The following SAAL1 variants were observed in gnomAD, a reference collection of about 807,000 sequenced individuals.
SAAL1 encodes the protein serum amyloid A like 1.
In SAAL1, 42 loss-of-function variants were observed where a neutral mutation model predicts 59.8. The observed-to-expected ratio is 0.70, with a 90% CI of 0.55 to 0.91. The LOEUF (loss-of-function observed/expected upper bound fraction) is 0.91. Among genes scored for constraint, SAAL1 ranks in the 40% least tolerant of loss-of-function variants. The pLI is 0.00. For synonymous variants in SAAL1, 191 were observed against 194.3 expected, an observed-to-expected ratio of 0.98 and a Z score of 0.14; for missense variants, 542 against 561.1, an observed-to-expected ratio of 0.97 and a Z score of 0.34.
In SAAL1 at chr11:18,083,712, G is replaced by T; in HGVS notation, c.1062C>A (p.Asp354Glu). The T allele has an allele frequency of 6.2e-7, 1 of 1,606,728 alleles. No individual in the cohort carries two copies. The highest frequency in any genetic ancestry group is 1.1e-5 in the South Asian group (1 of 89,328). ...TATTTTGTAAGACCCGAATGAGGCT[G>T]TCAATTAGAGGAAGATCTACTGTAT... ...KIEKVDLPLI[D>E]SLIRVLQNME... Residue 354 changes from aspartate to glutamate, a missense_variant, in exon 10 of 12, where the codon GAC (aspartate) becomes GAA (glutamate). Coordinates refer to ENST00000524803, the MANE Select transcript of SAAL1 (RefSeq NM_138421.3).
Position 18,090,680 on chromosome 11 carries a change from G to C in SAAL1, c.414-187C>G, listed in dbSNP as rs545277817. The C allele has an allele frequency of 7.0e-6, 4 of 573,104 alleles. No homozygotes were observed. The South Asian group carries it at 1.2e-4, about 17-fold the overall frequency. The allele number at this position is 573,104 out of a possible 1,614,324, so 35.5% of individuals were successfully genotyped here. A position where few individuals can be genotyped will look rare whatever the true frequency, so the allele number is the denominator to read the frequency against. On this transcript the variant is annotated intron_variant, in intron 4 of 11. Transcript: ENST00000524803. ...ACTCGTGTTTCCAAGAAACAGAACAGAGCTGCATCTTTGTAGTCACCATGT... is the reference window on the plus strand; with the variant it reads ...ACTCGTGTTTCCAAGAAACAGAACACAGCTGCATCTTTGTAGTCACCATGT...
rs763703099 is a variant in SAAL1 at position 18,087,259 on chromosome 11, A to G, written c.771-34T>C. ...GAAAAGTAAAAGCACTGAATCAACA[A>G]CTTTACTGTCCAGGGGATTCCAATC... is the stretch of plus-strand genomic sequence containing the variant. On this transcript the variant is annotated intron_variant, in intron 7 of 11. Coordinates refer to ENST00000524803, the MANE Select transcript of SAAL1 (RefSeq NM_138421.3). The G allele has an allele frequency of 3.7e-6, 5 of 1,335,662 alleles. No individual in the cohort carries two copies. The Admixed American group carries it at 8.5e-5, about 23-fold the overall frequency. 82.7% of individuals were successfully genotyped at this position (1,335,662 alleles called of 1,614,324 possible). A position where few individuals can be genotyped will look rare whatever the true frequency, so the allele number is the denominator to read the frequency against.
chr11:18,091,392 C>T (rs575867277), intron 4 of SAAL1, among the ~76,000 whole-genome samples: 1 of 152,158 alleles, frequency 6.6e-6, no homozygotes, highest in African/African-American at 2.4e-5. Flanking sequence ...CATTAGAGAC[C>T]AAACATAATC....
At chr11:18,098,104 G>A (rs1165612179) in intron 2 of SAAL1, among the ~76,000 whole-genome samples, 3 of 152,110 alleles carry the variant, frequency 2.0e-5, no homozygotes, top group African/African-American at 4.8e-5. Flanking sequence ...CTGAGATCTC[G>A]CCACTGCACT....
At chr11:18,083,294 T>C (rs1400452512) in intron 10 of SAAL1, 2 of 288,142 alleles carry the variant, frequency 6.9e-6, no homozygotes, top group Non-Finnish European at 1.3e-5. Context: ...GGTTAAAGTA[T>C]ATGAAAAATG....
At chr11:18,099,483 C>A (rs1257087805) in intron 2 of SAAL1, among the ~76,000 whole-genome samples, 1 of 152,134 alleles carries the variant, frequency 6.6e-6, no homozygotes, top group Non-Finnish European at 1.5e-5. Context: ...CTAAACTACA[C>A]AATTTCTAAA....
intron 3 of SAAL1, 50 bp from the exon 4 acceptor site, chr11:18,092,374 A>G: frequency 8.6e-7 from 1 of 1,164,668 alleles, no homozygotes; most frequent in Non-Finnish European, 1.3e-6. Flanking sequence ...CGAAAGACGT[A>G]AACAAAAATA....
At chr11:18,087,623 G>C (rs1198556739) in intron 7 of SAAL1, among the ~76,000 whole-genome samples, 1 of 152,186 alleles carries the variant, frequency 6.6e-6, no homozygotes, top group African/African-American at 2.4e-5. Flanking sequence ...CAATAATGAT[G>C]TTCTGAAAAT....
At position 18,090,356 on chromosome 11, in the gene SAAL1, C is replaced by T. The variant is rs574232051; in HGVS notation, c.474-66G>A. 41 of 1,556,064 alleles carry T rather than the reference C, an allele frequency of 2.6e-5. No homozygotes were observed. The Middle Eastern group carries it at 6.8e-4, about 26-fold the overall frequency. On this transcript the variant is annotated intron_variant, in intron 5 of 11. Transcript: ENST00000524803. ...AAAAAAAAAAACAGTAAAGGAAATT[C>T]GAAAATAAAAAATTAACTTTTTTTT... is the stretch of plus-strand genomic sequence containing the variant.
chr11:18,090,724 T>C (rs894452749), intron 4 of SAAL1: 2 of 375,296 alleles, frequency 5.3e-6, no homozygotes, highest in Non-Finnish European at 9.4e-6. Flanking sequence ...CAAATCACAA[T>C]TCTCTTTCCC....
At chr11:18,085,751 G>A (rs1321346764) in intron 9 of SAAL1, among the ~76,000 whole-genome samples, 2 of 152,160 alleles carry the variant, frequency 1.3e-5, no homozygotes, top group East Asian at 3.8e-4. Flanking sequence ...AGAATATATA[G>A]GGGAATTTTA....
In SAAL1 at chr11:18,093,146, C is replaced by T. The variant is rs144604945; in HGVS notation, c.334-822G>A. On this transcript the variant is annotated intron_variant, in intron 3 of 11. Transcript: ENST00000524803. ...TTAGTAGCCATCTTGGCTATCAGAT[C>T]GACCATCGGGATATCTCACAGGGCT... Among the ~76,000 whole-genome samples, 269 of 152,224 alleles carry T rather than the reference C, an allele frequency of 1.8e-3. 2 individuals are homozygous for T. Among genetic ancestry groups the T allele is most frequent in the African/African-American group, 6.4e-3 (264 of 41,518 alleles).
intron 7 of SAAL1, among the ~76,000 whole-genome samples, chr11:18,088,509 A>G (rs1034024943): frequency 2.0e-5 from 3 of 152,238 alleles, no homozygotes; most frequent in African/African-American, 7.2e-5. Context: ...GCATAGAGGC[A>G]GGGAATTCAA....
At chr11:18,092,406 G>T (rs527310015) in intron 3 of SAAL1, 82 bp from the exon 4 acceptor site, 2 of 905,440 alleles carry the variant, frequency 2.2e-6, no homozygotes, top group African/African-American at 1.7e-5. Context: ...AAAAACTTTC[G>T]CTGAGCCAAG....
At chr11:18,101,490 C>T (rs970998508) in intron 2 of SAAL1, among the ~76,000 whole-genome samples, 1 of 152,130 alleles carries the variant, frequency 6.6e-6, no homozygotes. Flanking sequence ...TTCCTGCCAC[C>T]GTGTGAATAA....
intron 4 of SAAL1, 127 bp from the exon 5 acceptor site, chr11:18,090,620 C>A: frequency 9.9e-7 from 1 of 1,014,146 alleles, no homozygotes; most frequent in South Asian, 1.9e-5. Context: ...TCAAAAGATA[C>A]AAATCTATAG....
chr11:18,105,882 C>A, intron 1 of SAAL1, 25 bp downstream of exon 1: 3 of 1,571,474 alleles, frequency 1.9e-6, no homozygotes, highest in Non-Finnish European at 1.7e-6. Flanking sequence ...TAGGGACACC[C>A]CACGCGTGGC....
intron 1 of SAAL1, among the ~76,000 whole-genome samples, chr11:18,104,440 CT>C (rs201232815): frequency 0.012 from 1,762 of 143,654 alleles, 14 homozygotes; most frequent in Non-Finnish European, 0.016. Flanking sequence ...TACATTTAAG[CT>C]TTTTTTTTTT....
chr11:18,088,358 A>G (rs1416132759), intron 7 of SAAL1, among the ~76,000 whole-genome samples: 1 of 152,142 alleles, frequency 6.6e-6, no homozygotes. Flanking sequence ...CAGGTGATGT[A>G]TGTAGTACCC....
Sources: allele counts gnomAD v4.1 joint callset (sites outside exome capture counted in the v4.1 genomes callset), GRCh38; gene constraint gnomAD v4.1.1; transcripts MANE v1.5; gene names NCBI Gene and HGNC (gene_info 2026-07-23, HGNC 2026-07-21).